Variants in BICDL1 observed in about 807,000 individuals in gnomAD.
The protein encoded by BICDL1 is BICD family-like cargo adapter 1.
A neutral mutation model predicts 76.8 loss-of-function variants in BICDL1; 20 were observed. The ratio of observed to expected loss-of-function variants is 0.26; its 90% confidence interval spans 0.18 to 0.38. BICDL1 has a LOEUF of 0.38. Among genes scored for constraint, BICDL1 ranks in the 10% least tolerant of loss-of-function variants. BICDL1 has a pLI of 1.00. For missense variants in BICDL1, 700 were observed against 798.6 expected, an observed-to-expected ratio of 0.88 and a Z score of 1.49; for synonymous variants, 383 against 337.1, an observed-to-expected ratio of 1.14 and a Z score of -1.49.
intron 2 of BICDL1, among the ~76,000 whole-genome samples, chr12:120,048,703 C>T (rs759538185): frequency 7.9e-5 from 12 of 152,150 alleles, no homozygotes; most frequent in Non-Finnish European, 1.6e-4. Flanking sequence ...TTTATTTTGG[C>T]AAGGTCCAGC....
At chr12:120,048,656 A>G (rs1952795369) in intron 2 of BICDL1, among the ~76,000 whole-genome samples, 1 of 152,038 alleles carries the variant, frequency 6.6e-6, no homozygotes, top group Non-Finnish European at 1.5e-5. Context: ...CAGTTTCCTC[A>G]TCTGTGTAAT....
At chr12:120,032,073 T>G (rs1337445951) in intron 2 of BICDL1, among the ~76,000 whole-genome samples, 1 of 152,164 alleles carries the variant, frequency 6.6e-6, no homozygotes, top group Non-Finnish European at 1.5e-5. Flanking sequence ...GCCTGGGCAA[T>G]AGAGTGAGAC....
At chr12:119,991,350 T>C (rs543514627) in intron 1 of BICDL1, among the ~76,000 whole-genome samples, 1 of 152,328 alleles carries the variant, frequency 6.6e-6, no homozygotes, top group African/African-American at 2.4e-5. Context: ...ACAGTCAGAA[T>C]GGAAATTCAG....
intron 2 of BICDL1, among the ~76,000 whole-genome samples, chr12:120,028,656 A>G (rs111759463): frequency 2.0e-5 from 3 of 152,176 alleles, no homozygotes; most frequent in African/African-American, 7.2e-5. Flanking sequence ...CAGCCTGGGC[A>G]ACAGAGTAAG....
intron 2 of BICDL1, among the ~76,000 whole-genome samples, chr12:120,006,643 CAA>C (rs1951855847): frequency 6.6e-6 from 1 of 152,084 alleles, no homozygotes; most frequent in African/African-American, 2.4e-5. Flanking sequence ...TAAAAAGGAG[CAA>C]AAGAGTATTC....
At chr12:120,030,778 C>T (rs1952405578) in intron 2 of BICDL1, among the ~76,000 whole-genome samples, 1 of 152,142 alleles carries the variant, frequency 6.6e-6, no homozygotes, top group African/African-American at 2.4e-5. Context: ...TTCTTCCTTA[C>T]AATACTTCAA....
intron 2 of BICDL1, among the ~76,000 whole-genome samples, chr12:120,017,084 G>GTTAAAAT (rs1952079971): frequency 6.6e-6 from 1 of 152,098 alleles, no homozygotes; most frequent in East Asian, 1.9e-4. Context: ...TTTTAGTAGA[G>GTTAAAAT]ACAGGGTTTC....
chr12:119,994,709 T>TA (rs1235912971), intron 1 of BICDL1, among the ~76,000 whole-genome samples: 1 of 152,120 alleles, frequency 6.6e-6, no homozygotes, highest in African/African-American at 2.4e-5. Flanking sequence ...AGGCTGGTCT[T>TA]AAACTCCTGA....
chr12:120,081,076 A>T (rs1031191315), intron 8 of BICDL1, 59 bp downstream of exon 8: 55 of 1,539,318 alleles, frequency 3.6e-5, no homozygotes, highest in Non-Finnish European at 4.5e-5. Context: ...AGAATTGAGC[A>T]TATGCTCAAT....
chr12:119,993,035 G>A (rs959159065), intron 1 of BICDL1: 2 of 140,978 alleles, frequency 1.4e-5, no homozygotes, highest in African/African-American at 5.2e-5. Flanking sequence ...CTCACTGCAA[G>A]CTCCACCTCC....
intron 2 of BICDL1, among the ~76,000 whole-genome samples, chr12:120,010,499 T>C (rs1951931176): frequency 6.6e-6 from 1 of 152,186 alleles, no homozygotes. Context: ...GGGCTGTGGG[T>C]GCCAACAAAA....
At position 120,013,246 on chromosome 12, in the gene BICDL1, G is replaced by A. The variant is rs1951989667; in HGVS notation, c.645+14510G>A. ...GGAGAATCGTTTGAACCTGGGAGGTGGAGGTTGCAATGAGCCAAGATCACA... is the reference window on the plus strand; with the variant it reads ...GGAGAATCGTTTGAACCTGGGAGGTAGAGGTTGCAATGAGCCAAGATCACA... On this transcript the variant is annotated intron_variant, in intron 2 of 9. Coordinates refer to ENST00000548673, the MANE Select transcript of BICDL1 (RefSeq NM_001367886.1). Among the ~76,000 whole-genome samples, 3 of 151,438 alleles carry A rather than the reference G, an allele frequency of 2.0e-5. No individual in the cohort carries two copies. The South Asian group carries it at 6.3e-4, about 32-fold the overall frequency.
intron 2 of BICDL1, among the ~76,000 whole-genome samples, chr12:120,010,696 G>A (rs912645721): frequency 6.6e-5 from 10 of 152,202 alleles, no homozygotes; most frequent in Middle Eastern, 3.4e-3. Context: ...AATGTTTTAT[G>A]TATTGAAGTT....
At chr12:120,076,505 A>G (rs185677074) in intron 7 of BICDL1, among the ~76,000 whole-genome samples, 274 of 152,346 alleles carry the variant, frequency 1.8e-3, no homozygotes, top group African/African-American at 6.1e-3. Flanking sequence ...ATTCAGAAAC[A>G]TAAGCAAATT....
chr12:120,010,146 C>G (rs988291749), intron 2 of BICDL1, among the ~76,000 whole-genome samples: 4 of 152,240 alleles, frequency 2.6e-5, no homozygotes, highest in Non-Finnish European at 5.9e-5. Context: ...GTGGAGACGC[C>G]AGCCTGCAGC....
intron 2 of BICDL1, among the ~76,000 whole-genome samples, chr12:119,998,972 G>A (rs1354183002): frequency 6.7e-6 from 1 of 149,844 alleles, no homozygotes; most frequent in Non-Finnish European, 1.5e-5. Flanking sequence ...TGGGGGGATC[G>A]CTTGAGCCCA....
intron 1 of BICDL1, among the ~76,000 whole-genome samples, chr12:119,991,013 C>T (rs1204793099): frequency 1.3e-5 from 2 of 152,120 alleles, no homozygotes; most frequent in African/African-American, 4.8e-5. Context: ...TATAAAATAC[C>T]TGTTAAGGTA....
rs74499417 is a variant in BICDL1, at chr12:120,033,391, G to C, written c.646-28319G>C. ...CCTTTTTTTTTTTTTTTTTTTTTGT[G>C]GGGGAGATGGAGTCTCACTCTGTCG... On this transcript the variant is annotated intron_variant, in intron 2 of 9. Coordinates refer to ENST00000548673, the MANE Select transcript of BICDL1 (RefSeq NM_001367886.1). Among the ~76,000 whole-genome samples, 134 of 45,920 alleles carry C rather than the reference G, an allele frequency of 2.9e-3. 3 individuals are homozygous for C. In the East Asian group the frequency reaches 0.1, roughly 35 times the overall value. 30.1% of individuals were successfully genotyped at this position (45,920 alleles called of 152,430 possible).
intron 2 of BICDL1, among the ~76,000 whole-genome samples, chr12:120,014,835 A>C (rs909650012): frequency 6.6e-6 from 1 of 152,186 alleles, no homozygotes; most frequent in African/African-American, 2.4e-5. Context: ...TCTCTAAAAA[A>C]AAATTAAAAA....
Sources: gnomAD v4.1 joint callset for allele counts (sites outside exome capture counted in the v4.1 genomes callset) on GRCh38, gnomAD v4.1.1 for gene constraint, MANE v1.5 for transcripts, NCBI Gene and HGNC (gene_info 2026-07-23, HGNC 2026-07-21) for gene names.